KAZN: variants seen among roughly 807,000 people sequenced by gnomAD.
The protein encoded by KAZN is kazrin.
In KAZN, 40 loss-of-function variants were observed where a neutral mutation model predicts 87.4. That is an observed-to-expected ratio of 0.46 (90% CI 0.36 to 0.60). The LOEUF is 0.60. Among genes scored for constraint, KAZN ranks in the 20% least tolerant of loss-of-function variants. The pLI is 0.00. For synonymous variants in KAZN, 466 were observed against 458.3 expected (o/e 1.02, Z -0.22); for missense variants, 898 against 1,073.9 (o/e 0.84, Z 2.29).
intron 1 of KAZN, among the ~76,000 whole-genome samples, chr1:14,880,848 C>A (rs1465021836): frequency 6.6e-6 from 1 of 152,208 alleles, no homozygotes; most frequent in Non-Finnish European, 1.5e-5. Flanking sequence ...GGCATCACAT[C>A]TGCTGTCCTA....
At chr1:14,465,000 A>G (rs2148356194) in intron 2 of KAZN, among the ~76,000 whole-genome samples, 1 of 152,226 alleles carries the variant, frequency 6.6e-6, no homozygotes, top group Middle Eastern at 3.4e-3. Context: ...TGAGTCAGGA[A>G]TCCAACAAGG....
chr1:14,829,659 G>A (rs917462804), intron 1 of KAZN, among the ~76,000 whole-genome samples: 6 of 152,210 alleles, frequency 3.9e-5, no homozygotes, highest in Non-Finnish European at 8.8e-5. Context: ...TTTGTGAGAG[G>A]GGCAGACTGG....
At chr1:15,015,459 T>C (rs978658932) in intron 2 of KAZN, among the ~76,000 whole-genome samples, 48 of 152,142 alleles carry the variant, frequency 3.2e-4, no homozygotes, top group African/African-American at 1.0e-3. Flanking sequence ...CCATAAAAAC[T>C]GATGTTTTTA....
At chr1:13,898,058 G>T (rs79898791) in intron 1 of KAZN, among the ~76,000 whole-genome samples, 1 of 152,152 alleles carries the variant, frequency 6.6e-6, no homozygotes, top group African/African-American at 2.4e-5. Context: ...TCAGGTGGGA[G>T]CTTAAGGCCA....
At chr1:14,974,564 G>A (rs542662388) in intron 2 of KAZN, among the ~76,000 whole-genome samples, 11 of 152,120 alleles carry the variant, frequency 7.2e-5, no homozygotes, top group African/African-American at 2.2e-4. Flanking sequence ...AACTGGAATC[G>A]GCCCAAAGGC....
intron 2 of KAZN, among the ~76,000 whole-genome samples, chr1:14,202,681 C>A (rs1417941793): frequency 6.6e-6 from 1 of 152,086 alleles, no homozygotes; most frequent in Non-Finnish European, 1.5e-5. Context: ...GCTAGTATTC[C>A]AAAGGGCATA....
chr1:14,721,310 C>T (rs1281587562), intron 1 of KAZN, among the ~76,000 whole-genome samples: 2 of 152,186 alleles, frequency 1.3e-5, no homozygotes, highest in Admixed American at 1.3e-4. Context: ...CTTTTCCCTA[C>T]CTTCAGTCTG....
chr1:15,037,049 CT>C, intron 3 of KAZN, among the ~76,000 whole-genome samples: 1 of 152,128 alleles, frequency 6.6e-6, no homozygotes, highest in Non-Finnish European at 1.5e-5. Context: ...CCATCACCCC[CT>C]GGCACTCAGC....
chr1:14,827,806 A>AG (rs1646940862), intron 1 of KAZN, among the ~76,000 whole-genome samples: 2 of 152,226 alleles, frequency 1.3e-5, no homozygotes, highest in Admixed American at 6.5e-5. Context: ...TATGGGATTG[A>AG]GAAACTCTCC....
At chr1:14,720,586 G>A (rs1417564714) in intron 1 of KAZN, among the ~76,000 whole-genome samples, 2 of 152,132 alleles carry the variant, frequency 1.3e-5, no homozygotes, top group Non-Finnish European at 2.9e-5. Context: ...TCATATTCTT[G>A]CAATATTTTT....
chr1:14,808,463 AT>A (rs1209244625), intron 1 of KAZN, among the ~76,000 whole-genome samples: 4,223 of 142,500 alleles, frequency 0.03, 68 homozygotes, highest in Non-Finnish European at 0.037. Flanking sequence ...CGGTCGGCTA[AT>A]TTTTTTTTTT....
At chr1:14,021,953 C>CTTTTTTTTTT (rs141959214) in intron 1 of KAZN, among the ~76,000 whole-genome samples, 9 of 114,276 alleles carry the variant, frequency 7.9e-5, no homozygotes, top group Non-Finnish European at 1.3e-4. Context: ...AATGAACATG[C>CTTTTTTTTTT]TTTTTTTTTT....
chr1:14,369,943 T>G (rs558790823), intron 2 of KAZN, among the ~76,000 whole-genome samples: 21 of 152,336 alleles, frequency 1.4e-4, no homozygotes, highest in African/African-American at 5.1e-4. Context: ...GCTCTAACAC[T>G]GCCTGCTGGG....
chr1:14,754,167 G>A (rs181609585), intron 1 of KAZN, among the ~76,000 whole-genome samples: 89 of 152,342 alleles, frequency 5.8e-4, no homozygotes, highest in African/African-American at 2.1e-3. Flanking sequence ...AGTTGGGTGG[G>A]TTGGGGTGGA....
intron 1 of KAZN, among the ~76,000 whole-genome samples, chr1:13,961,708 TCAGACAAGG>T (rs1641760119): frequency 6.6e-6 from 1 of 152,172 alleles, no homozygotes; most frequent in Admixed American, 6.5e-5. Flanking sequence ...CCACAGGGAC[TCAGACAAGG>T]ACCATACCTG....
chr1:14,409,303 T>C (rs560244939), intron 2 of KAZN, among the ~76,000 whole-genome samples: 1 of 152,286 alleles, frequency 6.6e-6, no homozygotes, highest in African/African-American at 2.4e-5. Context: ...CAGAGATTGA[T>C]GTCTTAGACT....
chr1:14,946,619 T>G (rs6429695), intron 1 of KAZN, among the ~76,000 whole-genome samples: 82,140 of 152,052 alleles, frequency 0.54, 25,517 homozygotes, highest in African/African-American at 0.86. Context: ...TGAAGATGTG[T>G]GAACTGCAGG....
At chr1:15,036,198 C>T (rs78496177) in intron 3 of KAZN, among the ~76,000 whole-genome samples, 15,726 of 143,608 alleles carry the variant, frequency 0.11, 1,028 homozygotes, top group East Asian at 0.24. Flanking sequence ...GAGCAGGGCC[C>T]GGCTCCCCCT....
chr1:14,771,892 A>G (rs1249685233), intron 1 of KAZN, among the ~76,000 whole-genome samples: 3 of 152,140 alleles, frequency 2.0e-5, no homozygotes, highest in Non-Finnish European at 4.4e-5. Flanking sequence ...ACTCCTGTAA[A>G]GAATGTTCCA....
Sources: gnomAD v4.1 joint callset for allele counts (sites outside exome capture counted in the v4.1 genomes callset) on GRCh38, gnomAD v4.1.1 for gene constraint, MANE v1.5 for transcripts, NCBI Gene and HGNC (gene_info 2026-07-23, HGNC 2026-07-21) for gene names.